Variants in DR1 observed in about 807,000 individuals in gnomAD.
DR1 encodes the protein down-regulator of transcription 1.
DR1 carries 7 observed loss-of-function variants against 19.9 expected under a neutral mutation model. The observed-to-expected ratio is 0.35, with a 90% confidence interval of 0.20 to 0.66. The LOEUF (loss-of-function observed/expected upper bound fraction) is 0.66, where lower values mean the gene tolerates loss of function less well. Ranked by LOEUF, DR1 falls within the 30% of genes least tolerant of loss-of-function variation. The pLI is 0.66. For synonymous variants in DR1, 76 were observed against 72.5 expected, an observed-to-expected ratio of 1.05 and a Z score of -0.24; for missense variants, 98 against 203.7, an observed-to-expected ratio of 0.48 and a Z score of 3.16.
At chr1:93,356,721 C>A (rs1458413190) in intron 2 of DR1, among the ~76,000 whole-genome samples, 2 of 121,502 alleles carry the variant, frequency 1.6e-5, no homozygotes, top group African/African-American at 5.8e-5. Context: ...TGAACTCTTA[C>A]AATTTTTTTT....
intron 1 of DR1, among the ~76,000 whole-genome samples, chr1:93,350,290 T>C (rs768443311): frequency 2.0e-5 from 3 of 152,134 alleles, no homozygotes; most frequent in Non-Finnish European, 4.4e-5. Context: ...AGATTTCCAG[T>C]AGTGATACCA....
chr1:93,358,519 C>G (rs1557747304), intron 2 of DR1, among the ~76,000 whole-genome samples: 1 of 152,198 alleles, frequency 6.6e-6, no homozygotes, highest in Non-Finnish European at 1.5e-5. Flanking sequence ...ACCCCATCCC[C>G]CCACTCTGGC....
rs1181559021 is a variant in DR1, at chr1:93,367,432, G to C, written c.*6793G>C. 1 of 152,086 alleles carries C rather than the reference G, an allele frequency of 6.6e-6. No homozygotes were observed. Among genetic ancestry groups the C allele is most frequent in the African/African-American group, 2.4e-5 (1 of 41,404 alleles). 9.4% of individuals were successfully genotyped at this position (152,086 alleles called of 1,614,324 possible). On this transcript the variant is annotated 3_prime_UTR_variant, in exon 3 of 3. Transcript: ENST00000370272. Reference sequence around the variant, plus strand: ...TTTGTATTCATTCGTTTTTCAACCTGCTTATTTCAGTTCAGTGTCTTGGGT... The same window carrying C: ...TTTGTATTCATTCGTTTTTCAACCTCCTTATTTCAGTTCAGTGTCTTGGGT...
chr1:93,354,131 G>C, intron 2 of DR1, 60 bp downstream of exon 2: 1 of 1,521,502 alleles, frequency 6.6e-7, no homozygotes, highest in Non-Finnish European at 8.9e-7. Context: ...AACTGAAATT[G>C]CTTCCTAAAT....
In DR1 at chr1:93,361,935, T is replaced by C. The variant is rs1032647724; in HGVS notation, c.*1296T>C. On this transcript the variant is annotated 3_prime_UTR_variant, in exon 3 of 3. Coordinates refer to ENST00000370272, the MANE Select transcript of DR1 (RefSeq NM_001938.3). ...CCAGGATGTTGAAGAAATGGCATAA[T>C]GTCTATATTTTGGAAACAGAAAGGA... 2 of 152,488 alleles carry C rather than the reference T, an allele frequency of 1.3e-5. No homozygotes were observed. Among genetic ancestry groups the C allele is most frequent in the African/African-American group, 4.8e-5 (2 of 41,444 alleles). The allele number at this position is 152,488 out of a possible 1,614,324, so 9.4% of individuals were successfully genotyped here.
At chr1:93,351,442 T>C (rs35646920) in intron 1 of DR1, among the ~76,000 whole-genome samples, 2,887 of 143,736 alleles carry the variant, frequency 0.02, 63 homozygotes, top group African/African-American at 0.064. Context: ...CTTTCTTTTT[T>C]TTTTTTTTTT....
chr1:93,355,936 C>G (rs1480985101), intron 2 of DR1, among the ~76,000 whole-genome samples: 1 of 151,946 alleles, frequency 6.6e-6, no homozygotes, highest in Non-Finnish European at 1.5e-5. Flanking sequence ...AAGCTAGCAG[C>G]AAATATTTGG....
chr1:93,358,463 G>A (rs1374916705), intron 2 of DR1, among the ~76,000 whole-genome samples: 1 of 152,140 alleles, frequency 6.6e-6, no homozygotes, highest in Non-Finnish European at 1.5e-5. Context: ...AGCAGAGACT[G>A]AACGCGGTTT....
chr1:93,350,001 C>T (rs1282211457), intron 1 of DR1, among the ~76,000 whole-genome samples: 16 of 152,074 alleles, frequency 1.1e-4, no homozygotes, highest in Admixed American at 7.9e-4. Context: ...GGAAAGTGGA[C>T]GTAAGTAGTA....
chr1:93,354,847 T>G (rs1666958806), intron 2 of DR1: 1 of 152,206 alleles, frequency 6.6e-6, no homozygotes, highest in African/African-American at 2.4e-5. Context: ...TTAAGTATTG[T>G]TGGTCACTAG....
In DR1 at chr1:93,358,507, G is replaced by A. The variant is rs377737491; in HGVS notation, c.385-1986G>A. Reference sequence around the variant, plus strand: ...TCTAATACACCACCAGCCTGAACCCGCACCCCATCCCCCCACTCTGGCAGT... The same window carrying A: ...TCTAATACACCACCAGCCTGAACCCACACCCCATCCCCCCACTCTGGCAGT... On this transcript the variant is annotated intron_variant, in intron 2 of 2. Coordinates refer to ENST00000370272, the MANE Select transcript of DR1 (RefSeq NM_001938.3). Among the ~76,000 whole-genome samples, 66 of 152,216 alleles carry A rather than the reference G, an allele frequency of 4.3e-4. No homozygotes were observed. The South Asian group carries it at 0.01, about 23-fold the overall frequency.
chr1:93,352,635 A>G (rs1361848620), intron 1 of DR1, among the ~76,000 whole-genome samples: 2 of 152,206 alleles, frequency 1.3e-5, no homozygotes, highest in Admixed American at 6.5e-5. Context: ...AAATCCCTGA[A>G]GTTAGAAGTG....
In DR1 at chr1:93,364,298, C is replaced by T. The variant is rs890307647; in HGVS notation, c.*3659C>T. The T allele has an allele frequency of 1.3e-5, 2 of 152,048 alleles. No homozygotes were observed. The highest frequency in any genetic ancestry group is 2.9e-5 in the Non-Finnish European group (2 of 68,006). 9.4% of individuals were successfully genotyped at this position (152,048 alleles called of 1,614,324 possible). A position where few individuals can be genotyped will look rare whatever the true frequency, so the allele number is the denominator to read the frequency against. ...TTACATACTCATTAGGTTATTGCTC[C>T]TTAGAAAAAATGCAAATTTTAAGTA... is the stretch of plus-strand genomic sequence containing the variant. On this transcript the variant is annotated 3_prime_UTR_variant, in exon 3 of 3. Transcript: ENST00000370272.
At chr1:93,347,288 T>A (rs1666860717) in intron 1 of DR1, among the ~76,000 whole-genome samples, 1 of 152,232 alleles carries the variant, frequency 6.6e-6, no homozygotes, top group Non-Finnish European at 1.5e-5. Context: ...ACCTGACCTT[T>A]CACCAATGTA....
chr1:93,346,887 G>A (rs1363948913), intron 1 of DR1, 22 bp downstream of exon 1: 1 of 1,584,526 alleles, frequency 6.3e-7, no homozygotes. Context: ...GTGAGAGCTG[G>A]TTTGAATGAG....
chr1:93,352,891 A>ATTTT (rs66850500), intron 1 of DR1, among the ~76,000 whole-genome samples: 1 of 139,526 alleles, frequency 7.2e-6, no homozygotes, highest in African/African-American at 2.8e-5. Context: ...GGGTGTGTGA[A>ATTTT]TTTTTTTTTT....
intron 1 of DR1, among the ~76,000 whole-genome samples, chr1:93,351,748 C>T (rs1444148759): frequency 6.6e-6 from 1 of 152,076 alleles, no homozygotes; most frequent in East Asian, 1.9e-4. Flanking sequence ...CTTGGATATC[C>T]TTAATGTCTA....
intron 2 of DR1, among the ~76,000 whole-genome samples, chr1:93,354,302 A>AT (rs1434642158): frequency 1.3e-5 from 2 of 152,086 alleles, no homozygotes; most frequent in African/African-American, 2.4e-5. Flanking sequence ...TTCACTTGAT[A>AT]TTTTTTCAGA....
In DR1 at chr1:93,346,546, G is replaced by A; in HGVS notation, c.-100G>A. 3 of 942,414 alleles carry A rather than the reference G, an allele frequency of 3.2e-6. No homozygotes were observed. The highest frequency in any genetic ancestry group is 1.6e-6 in the Non-Finnish European group (1 of 610,114). The allele number at this position is 942,414 out of a possible 1,614,324, so 58.4% of individuals were successfully genotyped here. ...ACCCTCTTCGCAAAGCACCCCCCGG[G>A]ATCACTCTCCGAGGGCGACTTTTTG... On this transcript the variant is annotated 5_prime_UTR_variant, in exon 1 of 3. Transcript: ENST00000370272.
Sources: allele counts gnomAD v4.1 joint callset (sites outside exome capture counted in the v4.1 genomes callset), GRCh38; gene constraint gnomAD v4.1.1; transcripts MANE v1.5; gene names NCBI Gene and HGNC (gene_info 2026-07-23, HGNC 2026-07-21).